ASB14: variants seen among roughly 807,000 people sequenced by gnomAD.
The protein encoded by ASB14 is ankyrin repeat and SOCS box containing 14, also known as ankyrin repeat and SOCS box protein 14.
ASB14 carries 63 observed loss-of-function variants against 55.6 expected under a neutral mutation model. That is an observed-to-expected ratio of 1.13 (90% CI 0.92 to 1.40). ASB14 has a LOEUF of 1.40. Among genes scored for constraint, ASB14 ranks in the 40% most tolerant of loss-of-function variants. The pLI is 0.00. For missense variants in ASB14, 724 were observed against 710.4 expected (o/e 1.02, Z -0.22); for synonymous variants, 256 against 259.9 (o/e 0.98, Z 0.15).
chr3:57,279,923 G>T (rs898838237), intron 7 of ASB14, among the ~76,000 whole-genome samples: 10 of 151,860 alleles, frequency 6.6e-5, no homozygotes, highest in African/African-American at 2.4e-4. Context: ...GGTTGGGGGG[G>T]AACCGTGTTA....
chr3:57,276,176 G>T (rs997273037), intron 10 of ASB14, among the ~76,000 whole-genome samples: 1 of 149,272 alleles, frequency 6.7e-6, no homozygotes, highest in South Asian at 2.1e-4. Flanking sequence ...TAAAACTGGT[G>T]TATTTCAGTT....
At position 57,278,651 on chromosome 3, in the gene ASB14, G is replaced by A. The variant is rs202057906; in HGVS notation, c.1157C>T (p.Pro386Leu). 25 of 1,614,092 alleles carry A rather than the reference G, an allele frequency of 1.5e-5. No individual in the cohort carries two copies. The highest frequency in any genetic ancestry group is 6.7e-5 in the Admixed American group (4 of 60,002). ...LSAGALPNQD[P>L]VNCLQIALRM... ...GAGGGCTATCTGGAGGCAGTTAACCGGGTCTTGATTAGGCAGAGCTCCAGC... is the reference window on the plus strand; with the variant it reads ...GAGGGCTATCTGGAGGCAGTTAACCAGGTCTTGATTAGGCAGAGCTCCAGC... Residue 386 changes from proline (P) to leucine (L), a missense_variant, in exon 8 of 11, where the codon CCG becomes CTG. Coordinates refer to ENST00000487349, the MANE Select transcript of ASB14 (RefSeq NM_001142733.3).
In ASB14 at chr3:57,289,117, A is replaced by C; in HGVS notation, c.129T>G (p.His43Gln). 3 of 1,528,328 alleles carry C rather than the reference A, an allele frequency of 2.0e-6. No homozygotes were observed. Among genetic ancestry groups the C allele is most frequent in the Non-Finnish European group, 2.6e-6 (3 of 1,138,834 alleles). 94.7% of individuals were successfully genotyped at this position (1,528,328 alleles called of 1,614,324 possible). A position where few individuals can be genotyped will look rare whatever the true frequency, so the allele number is the denominator to read the frequency against. The change falls in exon 3 of 11, where the codon CAT (histidine) becomes CAG (glutamine). Residue 43 changes from histidine (H) to glutamine (Q), a missense_variant. Coordinates refer to ENST00000487349, the MANE Select transcript of ASB14 (RefSeq NM_001142733.3). The stretch of plus-strand genomic sequence containing the variant: ...TCTTATAGTCAGCGCTCAAAAAGGA[A>C]TGCAAACTGCAAAGAAAAAAATACA... ...AQHAPKDESL[H>Q]SFLSADYKKI...
In ASB14 at chr3:57,278,464, C is replaced by G. The variant is rs1158204160; in HGVS notation, c.1344G>C (p.Glu448Asp). The change falls in exon 8 of 11, where the codon GAG becomes GAC. Residue 448 changes from glutamate to aspartate, a missense_variant. Glu to Asp is a conservative substitution (Grantham distance 45, BLOSUM62 2). Transcript: ENST00000487349. ...RMLLNYGYDT[E>D]RCFDCPHGDK... ...CTCCATGTGGGCAATCAAAACATCG[C>G]TCTGTGTCATACCCATAGTTCAGCA... The G allele has an allele frequency of 6.2e-7, 1 of 1,614,046 alleles. No homozygotes were observed. The highest frequency in any genetic ancestry group is 8.5e-7 in the Non-Finnish European group (1 of 1,180,034).
chr3:57,282,446 C>T (rs1331682865), intron 6 of ASB14, among the ~76,000 whole-genome samples: 1 of 152,138 alleles, frequency 6.6e-6, no homozygotes, highest in Non-Finnish European at 1.5e-5. Flanking sequence ...TCAATGAGCT[C>T]TCCTCGAAGA....
rs2060913062 is a variant in ASB14, at chr3:57,268,756, T to TTG, written c.*883_*884dup. ...GAGGAGGTTGTCTCTGTCAAAGCAG[T>TTG]TGAGAGGCTGTGTAGACTTAACTGC... On this transcript the variant is annotated 3_prime_UTR_variant, in exon 11 of 11. Coordinates refer to ENST00000487349, the MANE Select transcript of ASB14 (RefSeq NM_001142733.3). The TTG allele has an allele frequency of 1.4e-5, 3 of 208,990 alleles. No individual in the cohort carries two copies. The allele number at this position is 208,990 out of a possible 1,614,324, so 12.9% of individuals were successfully genotyped here.
chr3:57,287,894 C>A lies in ASB14; in HGVS notation c.469+7G>T. 1.3e-6 allele frequency: 2 copies of A among 1,536,848 alleles called. No homozygotes were observed. The highest frequency in any genetic ancestry group is 1.7e-6 in the Non-Finnish European group (2 of 1,146,674). On this transcript the variant is annotated splice_region_variant and intron_variant, in intron 5 of 10. Transcript: ENST00000487349. ...CAGACTCTTTCAGAAACAATGTATTCATTTACCTGCAAGAAGAGGAGAATT... is the reference window on the plus strand; with the variant it reads ...CAGACTCTTTCAGAAACAATGTATTAATTTACCTGCAAGAAGAGGAGAATT...
chr3:57,282,321 A>G (rs2061046659), intron 6 of ASB14, among the ~76,000 whole-genome samples: 1 of 152,204 alleles, frequency 6.6e-6, no homozygotes, highest in Admixed American at 6.5e-5. Context: ...ACTTCTAGAC[A>G]GGGAGGAGAA....
rs1473823147 is a variant in ASB14 at position 57,280,348 on chromosome 3, A to C, written c.841T>G (p.Ser281Ala). The change falls in exon 7 of 11, where the codon TCA becomes GCA. Residue 281 changes from serine (S) to alanine (A), a missense_variant. Physicochemically the swap from Ser to Ala is moderately conservative, Grantham distance 99 (BLOSUM62 1). Coordinates refer to ENST00000487349, the MANE Select transcript of ASB14 (RefSeq NM_001142733.3). ...GCCACATGGATGGGCAGGTGGCCTGAATTCTTAGGGATGTTGGCATCAGCT... is the reference window on the plus strand; with the variant it reads ...GCCACATGGATGGGCAGGTGGCCTGCATTCTTAGGGATGTTGGCATCAGCT... ...YGADANIPKN[S>A]GHLPIHVAAD... The C allele has an allele frequency of 6.4e-7, 1 of 1,551,082 alleles. No homozygotes were observed. Among genetic ancestry groups the C allele is most frequent in the South Asian group, 1.2e-5 (1 of 84,010 alleles).
rs563892101 is a variant in ASB14 at position 57,276,611 on chromosome 3, G to A, written c.1703C>T (p.Ala568Val). 31 of 1,613,686 alleles carry A rather than the reference G, an allele frequency of 1.9e-5. No individual in the cohort carries two copies. In the Admixed American group the frequency reaches 4.2e-4, roughly 22 times the overall value. ...GTCGTATTCTTTGTAAAGGACATAT[G>A]CTTTTAGACGATTGGGTAATGGAAG... is the stretch of plus-strand genomic sequence containing the variant. ...SFLPLPNRLK[A>V]YVLYKEYDLY... Residue 568 changes from alanine to valine, a missense_variant, in exon 10 of 11, where the codon GCA becomes GTA. By Grantham distance (64) the Ala-to-Val change is moderately conservative. Transcript: ENST00000487349.
intron 9 of ASB14, 110 bp from the exon 10 acceptor site, chr3:57,276,838 G>T (rs749634828): frequency 6.0e-6 from 6 of 1,003,244 alleles, no homozygotes; most frequent in Non-Finnish European, 8.7e-6. Flanking sequence ...TTACTAAATG[G>T]CAAAGTCAAT....
At chr3:57,285,060 C>G (rs1227319816) in intron 5 of ASB14, among the ~76,000 whole-genome samples, 3 of 151,516 alleles carry the variant, frequency 2.0e-5, no homozygotes, top group Non-Finnish European at 4.4e-5. Flanking sequence ...CCTGCCTCAG[C>G]CTCCCTAGTA....
intron 8 of ASB14, 87 bp downstream of exon 8, chr3:57,278,288 GGA>G: frequency 9.8e-7 from 1 of 1,023,500 alleles, no homozygotes; most frequent in Non-Finnish European, 1.5e-6. Context: ...CCAAGCCTCT[GGA>G]GAGAGTGGAT....
intron 3 of ASB14, among the ~76,000 whole-genome samples, chr3:57,288,708 C>CTTTTTTTTTTTTT (rs747854434): frequency 4.9e-5 from 5 of 102,392 alleles, no homozygotes; most frequent in Non-Finnish European, 7.4e-5. Flanking sequence ...CATATCTTTC[C>CTTTTTTTTTTTTT]TTTTTTTTTT....
intron 10 of ASB14, among the ~76,000 whole-genome samples, chr3:57,275,807 A>G (rs2060981104): frequency 6.6e-6 from 1 of 152,252 alleles, no homozygotes; most frequent in South Asian, 2.1e-4. Context: ...AAGCCTGTAC[A>G]GCATGTTACT....
intron 10 of ASB14, among the ~76,000 whole-genome samples, chr3:57,275,173 G>T (rs1220003035): frequency 6.6e-6 from 1 of 152,076 alleles, no homozygotes; most frequent in African/African-American, 2.4e-5. Flanking sequence ...AAAGGAGGCT[G>T]GGCACGGTGG....
chr3:57,274,482 A>C (rs2060971261), intron 10 of ASB14, among the ~76,000 whole-genome samples: 3 of 152,168 alleles, frequency 2.0e-5, no homozygotes, highest in African/African-American at 7.2e-5. Context: ...CAGGAGGTCG[A>C]GACAGCCTGA....
intron 2 of ASB14, among the ~76,000 whole-genome samples, chr3:57,289,943 G>A (rs945468128): frequency 1.3e-5 from 2 of 151,898 alleles, no homozygotes; most frequent in African/African-American, 4.8e-5. Flanking sequence ...CACCACACCC[G>A]GCCACCTTCC....
chr3:57,292,601 A>G (rs1387558950), intron 1 of ASB14, 32 bp downstream of exon 1: 1 of 152,762 alleles, frequency 6.5e-6, no homozygotes, highest in Non-Finnish European at 1.5e-5. Flanking sequence ...TTAGCATAGA[A>G]TACATTTGGT....
Sources: gnomAD v4.1 joint callset for allele counts (sites outside exome capture counted in the v4.1 genomes callset) on GRCh38, gnomAD v4.1.1 for gene constraint, MANE v1.5 for transcripts, NCBI Gene and HGNC (gene_info 2026-07-23, HGNC 2026-07-21) for gene names.